The following TENM3 variants were observed in gnomAD, a reference collection of about 807,000 sequenced individuals.
TENM3 encodes teneurin transmembrane protein 3.
In TENM3, 63 loss-of-function variants were observed where a neutral mutation model predicts 255.1. That is an observed-to-expected ratio of 0.25 (90% CI 0.20 to 0.30). TENM3 has a LOEUF of 0.30. Ranked by LOEUF, TENM3 falls within the 10% of genes least tolerant of loss-of-function variation. TENM3 has a pLI of 1.00. For missense variants in TENM3, 2,929 were observed against 3,461.1 expected (o/e 0.85, Z 3.86); for synonymous variants, 1,306 against 1,322.3 (o/e 0.99, Z 0.27).
At chr4:181,885,944 G>A in the TENM3 span, among the ~76,000 whole-genome samples, 4 of 151,930 alleles carry the variant, frequency 2.6e-5, no homozygotes, top group Admixed American at 1.3e-4. Context: ...TGTGTTTTTA[G>A]GCAAGTCATA....
chr4:182,328,478 A>T (rs1580175061), intron 2 of TENM3, among the ~76,000 whole-genome samples: 1 of 152,152 alleles, frequency 6.6e-6, no homozygotes, highest in African/African-American at 2.4e-5. Context: ...GGCCTCCCAA[A>T]GTGCTAGGAT....
the TENM3 span, among the ~76,000 whole-genome samples, chr4:182,114,203 TA>T: frequency 1.3e-5 from 2 of 152,216 alleles, no homozygotes; most frequent in Admixed American, 1.3e-4. Flanking sequence ...TTGTTAGAAT[TA>T]AAAGCAGTTG....
the TENM3 span, among the ~76,000 whole-genome samples, chr4:181,662,118 T>A: frequency 6.6e-6 from 1 of 152,310 alleles, no homozygotes; most frequent in African/African-American, 2.4e-5. Flanking sequence ...TTGAACTACT[T>A]CCCTGGCTGT....
intron 22 of TENM3, 92 bp from the exon 23 acceptor site, chr4:182,773,380 T>G: frequency 8.5e-7 from 1 of 1,175,606 alleles, no homozygotes; most frequent in Non-Finnish European, 1.2e-6. Flanking sequence ...TCCTCCAAAT[T>G]TGTGCAACTA....
the TENM3 span, among the ~76,000 whole-genome samples, chr4:181,862,299 G>A: frequency 2.6e-5 from 4 of 151,960 alleles, no homozygotes; most frequent in African/African-American, 4.8e-5. Flanking sequence ...TTAGGGTCAC[G>A]AAAGGCCATA....
intron 1 of TENM3, among the ~76,000 whole-genome samples, chr4:182,222,336 A>T (rs1444077752): frequency 6.6e-6 from 1 of 152,260 alleles, no homozygotes; most frequent in Non-Finnish European, 1.5e-5. Flanking sequence ...GTAGAAAATT[A>T]TCTGCACATA....
At chr4:182,471,198 A>G (rs1267868669) in intron 3 of TENM3, among the ~76,000 whole-genome samples, 1 of 152,220 alleles carries the variant, frequency 6.6e-6, no homozygotes, top group African/African-American at 2.4e-5. Flanking sequence ...ATGCAAGAAC[A>G]TTCAGATTAT....
chr4:182,555,874 A>C (rs1742533860), intron 3 of TENM3, among the ~76,000 whole-genome samples: 1 of 152,096 alleles, frequency 6.6e-6, no homozygotes, highest in East Asian at 1.9e-4. Flanking sequence ...TCTCTAAAAG[A>C]ATAACTTCCC....
chr4:182,530,152 C>T (rs1739624202), intron 3 of TENM3, among the ~76,000 whole-genome samples: 1 of 152,148 alleles, frequency 6.6e-6, no homozygotes, highest in Admixed American at 6.5e-5. Context: ...TAGTCAGAGA[C>T]TTGTTTATAA....
chr4:182,736,040 T>C lies in TENM3; in HGVS notation c.2968-768T>C, dbSNP rs558249053. The stretch of plus-strand genomic sequence containing the variant: ...TGTTCTATGTGCATTTAATAACATA[T>C]TAGTTGCTCTCTAGGATAAATTGTA... On this transcript the variant is annotated intron_variant, in intron 16 of 27. Transcript: ENST00000511685. 8.9e-4 allele frequency among the ~76,000 whole-genome samples: 135 copies of C among 152,298 alleles called. 5 individuals carry two copies. The South Asian group carries it at 0.028, about 31-fold the overall frequency.
intron 12 of TENM3, among the ~76,000 whole-genome samples, chr4:182,699,856 AT>A (rs1240150811): frequency 6.6e-6 from 1 of 152,136 alleles, no homozygotes; most frequent in African/African-American, 2.4e-5. Flanking sequence ...TAAGATCTAA[AT>A]TACCACCGAA....
the TENM3 span, among the ~76,000 whole-genome samples, chr4:181,625,879 T>C: frequency 6.6e-6 from 1 of 151,936 alleles, no homozygotes; most frequent in African/African-American, 2.4e-5. Flanking sequence ...TCAGTCAAAG[T>C]AGAGTGGGAA....
the TENM3 span, among the ~76,000 whole-genome samples, chr4:182,083,613 G>T: frequency 6.6e-6 from 1 of 151,932 alleles, no homozygotes; most frequent in Non-Finnish European, 1.5e-5. Flanking sequence ...AGATGCAAAC[G>T]ACAGAAATTT....
chr4:181,561,748 C>T, the TENM3 span, among the ~76,000 whole-genome samples: 8 of 152,170 alleles, frequency 5.3e-5, no homozygotes, highest in Non-Finnish European at 1.2e-4. Flanking sequence ...ATGGATAACA[C>T]TGATGTGAGC....
chr4:182,524,453 C>G (rs73003101), intron 3 of TENM3, among the ~76,000 whole-genome samples: 24,065 of 148,182 alleles, frequency 0.16, 3,054 homozygotes, highest in African/African-American at 0.35. Context: ...CCACCACCTC[C>G]CAGGCTCAAG....
At chr4:182,162,124 T>C in intron 1 of TENM3, among the ~76,000 whole-genome samples, 1 of 151,674 alleles carries the variant, frequency 6.6e-6, no homozygotes. Context: ...GCTCAAGCAG[T>C]CCTCCTGCCT....
chr4:181,599,340 AT>A, the TENM3 span, among the ~76,000 whole-genome samples: 1 of 152,246 alleles, frequency 6.6e-6, no homozygotes, highest in Non-Finnish European at 1.5e-5. Context: ...TAAATGCCAC[AT>A]TAAAAAACGG....
intron 3 of TENM3, among the ~76,000 whole-genome samples, chr4:182,531,039 A>T (rs559648097): frequency 3.9e-4 from 60 of 152,210 alleles, no homozygotes; most frequent in African/African-American, 1.4e-3. Context: ...GAGAGTGTAG[A>T]TGGAGGAGAA....
chr4:182,154,723 A>G (rs1750585468), intron 1 of TENM3, among the ~76,000 whole-genome samples: 1 of 152,178 alleles, frequency 6.6e-6, no homozygotes, highest in Non-Finnish European at 1.5e-5. Context: ...CTGGTTAATA[A>G]TATTGAAAGC....
Sources: allele counts gnomAD v4.1 joint callset (sites outside exome capture counted in the v4.1 genomes callset), GRCh38; gene constraint gnomAD v4.1.1; transcripts MANE v1.5; gene names NCBI Gene and HGNC (gene_info 2026-07-23, HGNC 2026-07-21).